WDR43: variants seen among roughly 807,000 people sequenced by gnomAD.
The protein encoded by WDR43 is WD repeat-containing protein 43.
A neutral mutation model predicts 91.4 loss-of-function variants in WDR43; 13 were observed. The observed-to-expected ratio is 0.14, with a 90% CI of 0.09 to 0.23. The LOEUF is 0.23. Ranked by LOEUF, WDR43 falls within the 10% of genes least tolerant of loss-of-function variation. WDR43 has a pLI of 1.00. For missense variants in WDR43, 780 were observed against 809.4 expected, an observed-to-expected ratio of 0.96 and a Z score of 0.44; for synonymous variants, 331 against 287.9, an observed-to-expected ratio of 1.15 and a Z score of -1.51.
At chr2:28,928,641 A>G (rs939130106) in intron 10 of WDR43, among the ~76,000 whole-genome samples, 1 of 152,138 alleles carries the variant, frequency 6.6e-6, no homozygotes, top group Admixed American at 6.5e-5. Context: ...TTAATCAGGA[A>G]TCAGTTCTAT....
intron 14 of WDR43, among the ~76,000 whole-genome samples, chr2:28,938,604 G>A (rs1211157892): frequency 6.6e-6 from 1 of 151,888 alleles, no homozygotes; most frequent in Non-Finnish European, 1.5e-5. Flanking sequence ...TTTACTTTAA[G>A]CTTTAAGTTT....
At chr2:28,901,950 A>G (rs982778308) in intron 1 of WDR43, 37 bp from the exon 2 acceptor site, 6 of 1,559,840 alleles carry the variant, frequency 3.8e-6, no homozygotes, top group Non-Finnish European at 4.3e-6. Flanking sequence ...TAGTATTTGC[A>G]ATACTAAATA....
At chr2:28,938,213 C>T (rs79538565) in intron 14 of WDR43, among the ~76,000 whole-genome samples, 3 of 152,042 alleles carry the variant, frequency 2.0e-5, no homozygotes, top group Non-Finnish European at 4.4e-5. Context: ...TTCCCCTCTG[C>T]CCCCCGGATG....
At chr2:28,910,852 C>G (rs1252069599) in intron 3 of WDR43, among the ~76,000 whole-genome samples, 2 of 151,784 alleles carry the variant, frequency 1.3e-5, no homozygotes, top group African/African-American at 2.4e-5. Flanking sequence ...TGTTTGCCAC[C>G]AGCCCTGGCT....
intron 14 of WDR43, 81 bp downstream of exon 14, chr2:28,938,075 A>G: frequency 6.9e-7 from 1 of 1,445,210 alleles, no homozygotes; most frequent in South Asian, 1.2e-5. Context: ...GTATGGCTGA[A>G]CAAAACCATC....
At chr2:28,895,035 A>G (rs1572575381) in intron 1 of WDR43, 112 bp downstream of exon 1, 3 of 1,164,204 alleles carry the variant, frequency 2.6e-6, no homozygotes, top group East Asian at 6.5e-5. Flanking sequence ...GGCCCGGGCC[A>G]GAAGGCTTGG....
At chr2:28,939,675 G>A (rs570432432) in intron 14 of WDR43, among the ~76,000 whole-genome samples, 3 of 152,322 alleles carry the variant, frequency 2.0e-5, no homozygotes, top group Admixed American at 2.0e-4. Flanking sequence ...CAAAAGGGAG[G>A]TGATAAATTG....
intron 11 of WDR43, among the ~76,000 whole-genome samples, chr2:28,934,038 C>T (rs1031275945): frequency 6.6e-6 from 1 of 152,162 alleles, no homozygotes; most frequent in Non-Finnish European, 1.5e-5. Flanking sequence ...CATGAATGTT[C>T]TTTGTAATGG....
At chr2:28,910,089 GTAGGTGTAAC>G (rs1267084127) in intron 3 of WDR43, among the ~76,000 whole-genome samples, 1 of 152,196 alleles carries the variant, frequency 6.6e-6, no homozygotes, top group Non-Finnish European at 1.5e-5. Context: ...ATCTGATTTA[GTAGGTGTAAC>G]TAGGTTAGAG....
At chr2:28,941,632 G>A in intron 15 of WDR43, 58 bp downstream of exon 15, 1 of 1,289,992 alleles carries the variant, frequency 7.8e-7, no homozygotes, top group Non-Finnish European at 1.1e-6. Flanking sequence ...AATGGAGAGA[G>A]GAATAAGGAT....
Position 28,944,751 on chromosome 2 carries a change from T to G in WDR43, c.1805-1699T>G, listed in dbSNP as rs1228823038. Among the ~76,000 whole-genome samples, 3 of 152,158 alleles carry G rather than the reference T, an allele frequency of 2.0e-5. No individual in the cohort carries two copies. The East Asian group carries it at 5.8e-4, about 29-fold the overall frequency. On this transcript the variant is annotated intron_variant, in intron 16 of 17. Transcript: ENST00000407426. The stretch of plus-strand genomic sequence containing the variant: ...AAATAAGGGTGGCTTGAACATAAGC[T>G]CCGCGATACTGCAACATTCGATTTG...
chr2:28,943,360 G>A (rs895132732), intron 16 of WDR43, among the ~76,000 whole-genome samples: 8 of 152,090 alleles, frequency 5.3e-5, no homozygotes, highest in East Asian at 1.9e-4. Context: ...CTTGTACACC[G>A]TGGCCTCAAA....
chr2:28,910,472 G>A (rs960691310), intron 3 of WDR43, among the ~76,000 whole-genome samples: 20 of 151,894 alleles, frequency 1.3e-4, no homozygotes, highest in African/African-American at 3.9e-4. Flanking sequence ...GTTGAATTTC[G>A]TGTTTATCAA....
intron 1 of WDR43, 132 bp downstream of exon 1, chr2:28,895,055 C>T (rs1026039164): frequency 5.1e-5 from 49 of 969,306 alleles, no homozygotes; most frequent in Non-Finnish European, 5.6e-5. Flanking sequence ...GAGGCGGCGT[C>T]GGCGCGTTCA....
At chr2:28,910,166 T>A (rs1425123328) in intron 3 of WDR43, among the ~76,000 whole-genome samples, 5 of 152,206 alleles carry the variant, frequency 3.3e-5, no homozygotes, top group Non-Finnish European at 5.9e-5. Context: ...TGCTTTGAGT[T>A]ACAAAGCTCC....
chr2:28,898,867 A>G (rs1670529999), intron 1 of WDR43, among the ~76,000 whole-genome samples: 1 of 152,172 alleles, frequency 6.6e-6, no homozygotes. Context: ...TTGCTGTACA[A>G]ATTCAGACTT....
chr2:28,927,827 T>C, intron 10 of WDR43, 127 bp downstream of exon 10: 4 of 1,198,474 alleles, frequency 3.3e-6, no homozygotes, highest in South Asian at 1.6e-5. Context: ...CCTGTTATGC[T>C]CTCTTTTATC....
chr2:28,928,523 T>A (rs955617203), intron 10 of WDR43, among the ~76,000 whole-genome samples: 1 of 152,354 alleles, frequency 6.6e-6, no homozygotes, highest in South Asian at 2.1e-4. Flanking sequence ...ATGTCCTTTT[T>A]AATCTTTTTT....
rs146064851 is a variant in WDR43, at chr2:28,905,407, A to G, written c.364-1053A>G. 2.6e-3 allele frequency among the ~76,000 whole-genome samples: 392 copies of G among 152,276 alleles called. 1 individual carries two copies. Among genetic ancestry groups the G allele is most frequent in the South Asian group, 0.013 (63 of 4,820 alleles). On this transcript the variant is annotated intron_variant, in intron 2 of 17. Coordinates refer to ENST00000407426, the MANE Select transcript of WDR43 (RefSeq NM_015131.3). ...GGGCATCTTGCTATGCTGTAAATGT[A>G]TAAGTATTGTTTATATGCTATGGCC... is the stretch of plus-strand genomic sequence containing the variant.
Sources: gnomAD v4.1 joint callset for allele counts (sites outside exome capture counted in the v4.1 genomes callset) on GRCh38, gnomAD v4.1.1 for gene constraint, MANE v1.5 for transcripts, NCBI Gene and HGNC (gene_info 2026-07-23, HGNC 2026-07-21) for gene names.